CDH13: variants seen among roughly 807,000 people sequenced by gnomAD.
CDH13 encodes cadherin 13.
CDH13 carries 24 observed loss-of-function variants against 63.8 expected under a neutral mutation model. The ratio of observed to expected loss-of-function variants is 0.38; its 90% CI spans 0.27 to 0.53. CDH13 has a LOEUF of 0.53. CDH13 is among the 20% of genes least tolerant of loss of function. The probability of loss-of-function intolerance (pLI) is 0.85; values close to 1 mark genes in which losing one functional copy is unlikely to be tolerated. For synonymous variants in CDH13, 503 were observed against 355.3 expected, an observed-to-expected ratio of 1.42 and a Z score of -4.67; for missense variants, 1,049 against 903.1, an observed-to-expected ratio of 1.16 and a Z score of -2.07.
At chr16:82,815,201 C>T (rs906178527) in intron 1 of CDH13, among the ~76,000 whole-genome samples, 9 of 152,176 alleles carry the variant, frequency 5.9e-5, no homozygotes, top group South Asian at 2.1e-4. Flanking sequence ...GGAACAGCCA[C>T]GCAGTAGAGT....
intron 6 of CDH13, among the ~76,000 whole-genome samples, chr16:83,481,014 T>G (rs2073748100): frequency 6.6e-6 from 1 of 152,160 alleles, no homozygotes; most frequent in Non-Finnish European, 1.5e-5. Flanking sequence ...TATTAGATCA[T>G]TCGGTCACAG....
At chr16:82,948,108 G>A (rs1027877424) in intron 2 of CDH13, among the ~76,000 whole-genome samples, 6 of 152,034 alleles carry the variant, frequency 3.9e-5, no homozygotes, top group Admixed American at 2.0e-4. Flanking sequence ...TAGTAAAGCC[G>A]GTAACTCTAA....
At chr16:82,823,560 T>C (rs1401186706) in intron 1 of CDH13, 1 of 152,226 alleles carries the variant, frequency 6.6e-6, no homozygotes, top group Non-Finnish European at 1.5e-5. Context: ...TACCCCTAGT[T>C]ATTTTAAAAC....
chr16:83,578,005 T>C (rs1905208893), intron 7 of CDH13, among the ~76,000 whole-genome samples: 1 of 152,238 alleles, frequency 6.6e-6, no homozygotes, highest in African/African-American at 2.4e-5. Context: ...CCTTTGCTTC[T>C]CAACAATATA....
At chr16:82,664,008 G>C (rs915436600) in intron 1 of CDH13, among the ~76,000 whole-genome samples, 1 of 152,176 alleles carries the variant, frequency 6.6e-6, no homozygotes. Context: ...TTCTGCCTTT[G>C]TAGCTGTGGA....
chr16:83,327,408 C>G (rs2090388798), intron 5 of CDH13, among the ~76,000 whole-genome samples: 1 of 152,188 alleles, frequency 6.6e-6, no homozygotes, highest in African/African-American at 2.4e-5. Context: ...AGACAAGCGT[C>G]ATTTCTTTTT....
At chr16:83,545,753 G>A (rs2075375777) in intron 7 of CDH13, among the ~76,000 whole-genome samples, 1 of 152,060 alleles carries the variant, frequency 6.6e-6, no homozygotes, top group South Asian at 2.1e-4. Context: ...CTCCTCATCT[G>A]CCCACCCTTT....
chr16:83,444,772 T>A (rs1408468492), intron 6 of CDH13, among the ~76,000 whole-genome samples: 1 of 60,912 alleles, frequency 1.6e-5, no homozygotes, highest in Non-Finnish European at 4.1e-5. Flanking sequence ...GTTAATTTAT[T>A]TCATTCATAA....
chr16:83,709,340 G>A (rs371358), intron 10 of CDH13, among the ~76,000 whole-genome samples: 42,604 of 152,104 alleles, frequency 0.28, 6,358 homozygotes, highest in Middle Eastern at 0.46. Flanking sequence ...ACAGGAACCT[G>A]AGATATTAAC....
chr16:83,152,204 G>T (rs373236177), intron 4 of CDH13, among the ~76,000 whole-genome samples: 101 of 152,260 alleles, frequency 6.6e-4, no homozygotes, highest in South Asian at 3.9e-3. Context: ...TAAAATTGCT[G>T]TTTGATGTCT....
Position 82,884,014 on chromosome 16 carries a change from GT to G in CDH13, c.157+25550del, listed in dbSNP as rs112749948. On this transcript the variant is annotated intron_variant, in intron 2 of 13. Transcript: ENST00000567109. ...TGATTATCATACCCCCATCATAGGT[GT>G]TTTTTTTTGGGTGTATGAGATGAAT... 6.7e-4 allele frequency among the ~76,000 whole-genome samples: 102 copies of G among 151,228 alleles called. 1 individual carries two copies. In the Middle Eastern group the frequency reaches 0.01, roughly 15 times the overall value.
At chr16:83,342,262 G>A (rs115005096) in intron 5 of CDH13, among the ~76,000 whole-genome samples, 1,812 of 152,210 alleles carry the variant, frequency 0.012, 12 homozygotes, top group African/African-American at 0.018. Flanking sequence ...ATCCTTCATA[G>A]CCCTCATCTG....
intron 2 of CDH13, among the ~76,000 whole-genome samples, chr16:82,900,848 C>G (rs1038093389): frequency 6.6e-6 from 1 of 152,212 alleles, no homozygotes; most frequent in South Asian, 2.1e-4. Context: ...ATGGCAGAAA[C>G]TTCCCCAGGC....
At chr16:83,156,332 A>C (rs1399926148) in intron 4 of CDH13, among the ~76,000 whole-genome samples, 1 of 152,214 alleles carries the variant, frequency 6.6e-6, no homozygotes, top group Non-Finnish European at 1.5e-5. Flanking sequence ...GATTCACTCC[A>C]TAGTTCCATC....
chr16:82,790,629 A>G (rs1432222011), intron 1 of CDH13, among the ~76,000 whole-genome samples: 2 of 152,146 alleles, frequency 1.3e-5, no homozygotes, highest in Non-Finnish European at 2.9e-5. Context: ...ACCGGAGACT[A>G]GGTAATTTAT....
At chr16:83,200,379 A>G (rs1404494622) in intron 4 of CDH13, among the ~76,000 whole-genome samples, 5 of 152,194 alleles carry the variant, frequency 3.3e-5, no homozygotes, top group African/African-American at 7.2e-5. Context: ...GCTGGTCTTT[A>G]GATGATACCC....
At chr16:83,290,364 G>A (rs971093065) in intron 5 of CDH13, among the ~76,000 whole-genome samples, 1 of 152,074 alleles carries the variant, frequency 6.6e-6, no homozygotes, top group Non-Finnish European at 1.5e-5. Flanking sequence ...GCATCCAGTG[G>A]GAGGTAATTG....
At chr16:83,114,119 A>G (rs1012496904) in intron 3 of CDH13, among the ~76,000 whole-genome samples, 3 of 152,208 alleles carry the variant, frequency 2.0e-5, no homozygotes, top group African/African-American at 7.2e-5. Context: ...AAGCATATCT[A>G]CTAATAGAAA....
chr16:83,498,581 T>C (rs1310585566), intron 7 of CDH13, among the ~76,000 whole-genome samples: 6 of 152,188 alleles, frequency 3.9e-5, no homozygotes, highest in Non-Finnish European at 8.8e-5. Flanking sequence ...TTGACTTTGA[T>C]AGGAATCTAA....
Sources: allele counts gnomAD v4.1 joint callset (sites outside exome capture counted in the v4.1 genomes callset), GRCh38; gene constraint gnomAD v4.1.1; transcripts MANE v1.5; gene names NCBI Gene and HGNC (gene_info 2026-07-23, HGNC 2026-07-21).